Variants in KDM2B observed in about 807,000 individuals in gnomAD.
The protein encoded by KDM2B is lysine demethylase 2B.
In KDM2B, 26 loss-of-function variants were observed where a neutral mutation model predicts 150.0. The ratio of observed to expected loss-of-function variants is 0.17; its 90% confidence interval spans 0.13 to 0.24. The LOEUF is 0.24. Among genes scored for constraint, KDM2B ranks in the 10% least tolerant of loss-of-function variants. The pLI is 1.00. For synonymous variants in KDM2B, 734 were observed against 729.5 expected, an observed-to-expected ratio of 1.01 and a Z score of -0.10; for missense variants, 1,265 against 1,816.9, an observed-to-expected ratio of 0.70 and a Z score of 5.52.
chr12:121,411,437 GA>G, the KDM2B span, among the ~76,000 whole-genome samples: 1 of 150,962 alleles, frequency 6.6e-6, no homozygotes, highest in East Asian at 1.9e-4. Context: ...CTGTGTAGTT[GA>G]AAAAAAAATT....
At chr12:121,418,089 G>A in the KDM2B span, 2 of 667,092 alleles carry the variant, frequency 3.0e-6, no homozygotes, top group East Asian at 2.7e-5. Context: ...TGTCTGCTGA[G>A]GTGCTAGGTG....
At chr12:121,439,296 G>A (rs1874556189) in intron 22 of KDM2B, among the ~76,000 whole-genome samples, 1 of 151,992 alleles carries the variant, frequency 6.6e-6, no homozygotes, top group Admixed American at 6.6e-5. Context: ...TCCGTATTTT[G>A]GGTCAGGAAC....
intron 12 of KDM2B, among the ~76,000 whole-genome samples, chr12:121,488,158 T>C (rs889394909): frequency 2.0e-5 from 3 of 152,246 alleles, no homozygotes; most frequent in Middle Eastern, 3.4e-3. Flanking sequence ...GCCATAACTA[T>C]TGCAAAGAAA....
downstream of KDM2B, among the ~76,000 whole-genome samples, chr12:121,426,851 T>TGAC (rs1205918273): frequency 2.0e-5 from 3 of 152,072 alleles, no homozygotes; most frequent in Non-Finnish European, 1.5e-5. Flanking sequence ...CTCAAACTCC[T>TGAC]GACCTCGGGT....
In KDM2B at chr12:121,503,666, A is replaced by G. The variant is rs543605006; in HGVS notation, c.1647+5901T>C. 2.4e-4 allele frequency among the ~76,000 whole-genome samples: 37 copies of G among 152,144 alleles called. No homozygotes were observed. The South Asian group carries it at 7.3e-3, about 30-fold the overall frequency. ...ATGAGGGGGCTGCTGAGAGGTGAGAAGGGGGAAGGAAAGAGAAAGGGCAGG... is the reference window on the plus strand; with the variant it reads ...ATGAGGGGGCTGCTGAGAGGTGAGAGGGGGGAAGGAAAGAGAAAGGGCAGG... On this transcript the variant is annotated intron_variant, in intron 11 of 22. Coordinates refer to ENST00000377071, the MANE Select transcript of KDM2B (RefSeq NM_032590.5).
In KDM2B at chr12:121,453,362, C is replaced by T. The variant is rs916881933; in HGVS notation, c.1735-18G>A. On this transcript the variant is annotated intron_variant, in intron 12 of 22. Transcript: ENST00000377071. This position sits in a 1 kb window ranked among gnomAD's most constrained non-coding sequence, Gnocchi z 6.4. ...GCCCGGTTCTGCAGGGGAACAGACA[C>T]GACTGGTCAGATGGGGAGACTGCAG... The T allele has an allele frequency of 6.5e-7, 1 of 1,543,206 alleles. No homozygotes were observed. The highest frequency in any genetic ancestry group is 1.4e-5 in the African/African-American group (1 of 73,118).
intron 1 of KDM2B, chr12:121,579,632 C>G: frequency 7.5e-7 from 1 of 1,332,292 alleles, no homozygotes; most frequent in Non-Finnish European, 9.8e-7. Flanking sequence ...CTCATCTCCC[C>G]ACAAGCGCGC....
At position 121,537,787 on chromosome 12, in the gene KDM2B, C is replaced by A. The variant is rs1465578311; in HGVS notation, c.684-3197G>T. Among the ~76,000 whole-genome samples, 1 of 151,968 alleles carries A rather than the reference C, an allele frequency of 6.6e-6. No individual in the cohort carries two copies. The highest frequency in any genetic ancestry group is 1.5e-5 in the Non-Finnish European group (1 of 67,936). On this transcript the variant is annotated intron_variant, in intron 6 of 22. Transcript: ENST00000377071. This position sits in a 1 kb window ranked among gnomAD's most constrained non-coding sequence, Gnocchi z 8.7. ...AGCGCGCCGCACACTCGCACCCGAC[C>A]CCGGGAGACACAAAGAGCGGCTCCG...
Position 121,444,167 on chromosome 12 carries a change from G to A in KDM2B, c.2296C>T (p.Arg766Trp), listed in dbSNP as rs368617725. 1.4e-5 allele frequency: 22 copies of A among 1,612,348 alleles called. No homozygotes were observed. The highest frequency in any genetic ancestry group is 4.0e-5 in the African/African-American group (3 of 74,944). The change falls in exon 16 of 23, where the codon CGG becomes TGG. Residue 766 changes from arginine to tryptophan, a missense_variant. Physicochemically the swap from Arg to Trp is moderately radical, Grantham distance 101. This residue lies in a region of KDM2B where 418 missense variants were observed against 402.4 expected (regional missense o/e 1.04). Transcript: ENST00000377071. ...DNKEGQEPAK[R>W]RSECEEAPRR... ...GGCGCCTCCTCACACTCACTCCTCC[G>A]CTTGGCAGGTTCCTGCCCTTCCTTG...
Position 121,518,826 on chromosome 12 carries a change from G to A in KDM2B, c.1047+2159C>T, listed in dbSNP as rs1270715706. ...CCATCTCTATTCCACACGTCTGCTC[G>A]TGCACAAACTGGCCTGTACTCCAGG... On this transcript the variant is annotated intron_variant, in intron 9 of 22. Coordinates refer to ENST00000377071, the MANE Select transcript of KDM2B (RefSeq NM_032590.5). The surrounding 1 kb of genome is among the most constrained non-coding windows in gnomAD (Gnocchi z 4.4). 2.0e-5 allele frequency among the ~76,000 whole-genome samples: 3 copies of A among 152,114 alleles called. No homozygotes were observed. The highest frequency in any genetic ancestry group is 2.9e-5 in the Non-Finnish European group (2 of 68,022).
Position 121,442,660 on chromosome 12 carries a change from C to T in KDM2B, c.2781G>A (p.Pro927=), listed in dbSNP as rs370303545. The part of the protein sequence containing the change: ...AGPSTEGAEG[P]EEKKKVKMRR... ...GCATCTTCACCTTCTTCTTCTCCTC[C>T]GGGCCCTCGGCCCCTTCGGTGCTGG... is the stretch of plus-strand genomic sequence containing the variant. The change falls in exon 19 of 23, where the codon CCG becomes CCA. Residue 927 remains proline, a synonymous_variant. Transcript: ENST00000377071. This position sits in a 1 kb window ranked among gnomAD's most constrained non-coding sequence, Gnocchi z 7.7. The T allele has an allele frequency of 4.4e-5, 70 of 1,605,238 alleles. No homozygotes were observed. The African/African-American group carries it at 8.3e-4, about 19-fold the overall frequency.
chr12:121,510,047 G>A lies in KDM2B; in HGVS notation c.1175-8C>T. 1 of 1,531,902 alleles carries A rather than the reference G, an allele frequency of 6.5e-7. No homozygotes were observed. Among genetic ancestry groups the A allele is most frequent in the South Asian group, 1.3e-5 (1 of 77,606 alleles). The allele number at this position is 1,531,902 out of a possible 1,614,324, so 94.9% of individuals were successfully genotyped here. ...TGGGCTTCCTCGGGGCATCTGTGGGGGCAGGGTCACAAGAAAGACCGAGAT... is the reference window on the plus strand; with the variant it reads ...TGGGCTTCCTCGGGGCATCTGTGGGAGCAGGGTCACAAGAAAGACCGAGAT... On this transcript the variant is annotated splice_polypyrimidine_tract_variant and splice_region_variant and intron_variant, in intron 10 of 22. Coordinates refer to ENST00000377071, the MANE Select transcript of KDM2B (RefSeq NM_032590.5).
chr12:121,440,168 C>A (rs1418055177), intron 21 of KDM2B, 93 bp from the exon 22 acceptor site: 2 of 820,640 alleles, frequency 2.4e-6, no homozygotes, highest in East Asian at 5.4e-5. Flanking sequence ...ACCAGCCAGA[C>A]AGAACACTCA....
intron 12 of KDM2B, among the ~76,000 whole-genome samples, chr12:121,489,310 C>T (rs1883110659): frequency 6.6e-6 from 1 of 151,900 alleles, no homozygotes; most frequent in Non-Finnish European, 1.5e-5. Context: ...CACTCTGTCA[C>T]CCAGGCTGGG....
intron 22 of KDM2B, chr12:121,433,012 A>G (rs782604485): frequency 2.1e-4 from 83 of 403,634 alleles, no homozygotes; most frequent in Non-Finnish European, 3.8e-4. Flanking sequence ...GCATCCTGGC[A>G]GTTACCTGTC....
chr12:121,567,388 C>T (rs1555315165), intron 4 of KDM2B, among the ~76,000 whole-genome samples: 2 of 152,188 alleles, frequency 1.3e-5, no homozygotes, highest in African/African-American at 4.8e-5. Context: ...GGTGAGCCCT[C>T]ATCTAATATG....
rs555036783 is a variant in KDM2B, at chr12:121,547,905, T to C, written c.683+972A>G. Among the ~76,000 whole-genome samples the C allele has an allele frequency of 2.0e-5, 3 of 152,054 alleles. No individual in the cohort carries two copies. The South Asian group carries it at 6.2e-4, about 32-fold the overall frequency. On this transcript the variant is annotated intron_variant, in intron 6 of 22. Coordinates refer to ENST00000377071, the MANE Select transcript of KDM2B (RefSeq NM_032590.5). ...ATCTGCCCGCCTCAGCCTCCCAAAG[T>C]GCTGGGATTACAGGTGTGAGCCACC...
intron 12 of KDM2B, among the ~76,000 whole-genome samples, chr12:121,459,102 A>G (rs1878729278): frequency 1.3e-5 from 2 of 151,462 alleles, no homozygotes; most frequent in Admixed American, 6.6e-5. Context: ...AAAAAAAAAA[A>G]GACACACACT....
chr12:121,494,538 G>A (rs374838848), intron 12 of KDM2B, 41 bp downstream of exon 12: 143 of 1,518,416 alleles, frequency 9.4e-5, no homozygotes, highest in Non-Finnish European at 1.2e-4. Context: ...GTGGGAAGGA[G>A]GTGGGAAGCG....
Sources: allele counts gnomAD v4.1 joint callset (sites outside exome capture counted in the v4.1 genomes callset), GRCh38; gene constraint gnomAD v4.1.1; regional missense constraint gnomAD v4.1.1; non-coding constraint Gnocchi (gnomAD v3.1); transcripts MANE v1.5; gene names NCBI Gene and HGNC (gene_info 2026-07-23, HGNC 2026-07-21).